The following GRM7 variants were observed in gnomAD, a reference collection of about 807,000 sequenced individuals.
GRM7 encodes glutamate metabotropic receptor 7.
GRM7 carries 35 observed loss-of-function variants against 84.5 expected under a neutral mutation model. The observed-to-expected ratio is 0.41, with a 90% CI of 0.32 to 0.55. GRM7 has a LOEUF of 0.55. Among genes scored for constraint, GRM7 ranks in the 20% least tolerant of loss-of-function variants. GRM7 has a pLI of 0.19. For synonymous variants in GRM7, 487 were observed against 455.1 expected (o/e 1.07, Z -0.89); for missense variants, 1,003 against 1,194.6 (o/e 0.84, Z 2.36).
intron 1 of GRM7, among the ~76,000 whole-genome samples, chr3:6,943,890 G>A (rs1023291375): frequency 6.6e-6 from 1 of 151,922 alleles, no homozygotes; most frequent in Non-Finnish European, 1.5e-5. Context: ...TACGGGTGTT[G>A]TACATCTTTT....
chr3:6,868,019 T>C (rs1694994910), intron 1 of GRM7, among the ~76,000 whole-genome samples: 3 of 152,178 alleles, frequency 2.0e-5, no homozygotes, highest in African/African-American at 7.2e-5. Flanking sequence ...CAAACCGACT[T>C]TCTAATCTTT....
chr3:7,037,972 G>A (rs1696442040), intron 1 of GRM7, among the ~76,000 whole-genome samples: 1 of 152,038 alleles, frequency 6.6e-6, no homozygotes, highest in South Asian at 2.1e-4. Flanking sequence ...TAGTCTAATT[G>A]CTTGCCATAT....
At chr3:7,534,467 A>G (rs1701165438) in intron 7 of GRM7, among the ~76,000 whole-genome samples, 1 of 152,180 alleles carries the variant, frequency 6.6e-6, no homozygotes, top group Non-Finnish European at 1.5e-5. Flanking sequence ...TCAGGATTTG[A>G]ACGCATGTCT....
At chr3:6,959,754 T>C (rs1172242106) in intron 1 of GRM7, among the ~76,000 whole-genome samples, 2 of 152,216 alleles carry the variant, frequency 1.3e-5, no homozygotes, top group African/African-American at 4.8e-5. Context: ...TATGACAATA[T>C]GTATTATGGA....
chr3:7,601,007 T>C (rs997672357), intron 8 of GRM7, among the ~76,000 whole-genome samples: 1 of 152,156 alleles, frequency 6.6e-6, no homozygotes, highest in Non-Finnish European at 1.5e-5. Context: ...TCCCTAATAC[T>C]TGCCGTGATT....
At chr3:7,498,672 C>G (rs1699784918) in intron 7 of GRM7, among the ~76,000 whole-genome samples, 1 of 152,174 alleles carries the variant, frequency 6.6e-6, no homozygotes, top group Admixed American at 6.5e-5. Context: ...GTGTTTTTAA[C>G]ATAAATTTCT....
intron 4 of GRM7, among the ~76,000 whole-genome samples, chr3:7,310,560 A>C (rs1266104539): frequency 1.3e-5 from 2 of 152,122 alleles, no homozygotes; most frequent in African/African-American, 2.4e-5. Context: ...GGGAAAAAAA[A>C]TGAGAAAGAA....
chr3:7,301,871 T>G (rs1407442227), intron 3 of GRM7, among the ~76,000 whole-genome samples: 1 of 152,154 alleles, frequency 6.6e-6, no homozygotes, highest in Non-Finnish European at 1.5e-5. Flanking sequence ...TGGGAAAATT[T>G]GAGGTTTCTT....
Position 7,357,022 on chromosome 3 carries a change from G to GATATA in GRM7, c.1033+50372_1033+50376dup, listed in dbSNP as rs201291548. Among the ~76,000 whole-genome samples the GATATA allele has an allele frequency of 6.4e-3, 909 of 141,992 alleles. 6 individuals are homozygous for GATATA. The highest frequency in any genetic ancestry group is 0.022 in the African/African-American group (857 of 38,224). 93.2% of individuals were successfully genotyped at this position (141,992 alleles called of 152,430 possible). On this transcript the variant is annotated intron_variant, in intron 4 of 9. Transcript: ENST00000357716. ...TTTATATATCATATAATATATATTT[G>GATATA]ATATAAATTGTATAATATATATGTT...
chr3:7,597,183 G>A (rs1474341489), intron 8 of GRM7, among the ~76,000 whole-genome samples: 1 of 152,106 alleles, frequency 6.6e-6, no homozygotes, highest in East Asian at 1.9e-4. Flanking sequence ...AGTGGAAGAC[G>A]AGGGGGACGT....
At chr3:7,648,271 GA>G (rs56866641) in intron 8 of GRM7, among the ~76,000 whole-genome samples, 23,813 of 142,210 alleles carry the variant, frequency 0.17, 2,984 homozygotes, top group African/African-American at 0.36. Context: ...GTTTTTAAAA[GA>G]AAAAAAAAAA....
chr3:7,732,085 G>T (rs975422348), intron 9 of GRM7, among the ~76,000 whole-genome samples: 43 of 151,820 alleles, frequency 2.8e-4, no homozygotes, highest in African/African-American at 1.0e-3. Context: ...TCGCTTTGTC[G>T]CCCAGGCTGG....
At chr3:6,952,215 A>T (rs1575059742) in intron 1 of GRM7, among the ~76,000 whole-genome samples, 1 of 152,180 alleles carries the variant, frequency 6.6e-6, no homozygotes, top group Admixed American at 6.5e-5. Context: ...GTCTAAGGTT[A>T]TTCCCTACAA....
At position 7,289,974 on chromosome 3, in the gene GRM7, T is replaced by A. The variant is rs560321312; in HGVS notation, c.737-8710T>A. Among the ~76,000 whole-genome samples the A allele has an allele frequency of 5.9e-5, 9 of 152,118 alleles. 3 individuals carry two copies. The South Asian group carries it at 1.9e-3, about 32-fold the overall frequency. On this transcript the variant is annotated intron_variant, in intron 2 of 9. Coordinates refer to ENST00000357716, the MANE Select transcript of GRM7 (RefSeq NM_000844.4). Reference sequence around the variant, plus strand: ...TATACATATGTACCAAACCTGCACGTTGTGCACATGTACCCTAGAACTTAA... The same window carrying A: ...TATACATATGTACCAAACCTGCACGATGTGCACATGTACCCTAGAACTTAA...
At chr3:7,302,501 T>C (rs1398908955) in intron 3 of GRM7, among the ~76,000 whole-genome samples, 1 of 152,140 alleles carries the variant, frequency 6.6e-6, no homozygotes, top group African/African-American at 2.4e-5. Context: ...TATCCCTACC[T>C]TTCTCTTCAA....
intron 8 of GRM7, among the ~76,000 whole-genome samples, chr3:7,615,874 G>GTATATGTATATATAGTATA (rs1697055708): frequency 6.6e-6 from 1 of 151,774 alleles, no homozygotes; most frequent in Admixed American, 6.6e-5. Flanking sequence ...GTGTATGAGT[G>GTATATGTATATATAGTATA]TATATGTATA....
At chr3:7,109,814 G>A (rs1297605425) in intron 1 of GRM7, among the ~76,000 whole-genome samples, 1 of 152,092 alleles carries the variant, frequency 6.6e-6, no homozygotes. Flanking sequence ...ACCATTGCAA[G>A]TAATTATTAC....
chr3:7,403,622 GATAT>G (rs59465377), intron 4 of GRM7, among the ~76,000 whole-genome samples: 16,829 of 126,882 alleles, frequency 0.13, 1,166 homozygotes, highest in South Asian at 0.26. Context: ...GAGTAATTCT[GATAT>G]ATATATATAT....
At chr3:7,429,401 C>T (rs1696740364) in intron 5 of GRM7, among the ~76,000 whole-genome samples, 1 of 152,166 alleles carries the variant, frequency 6.6e-6, no homozygotes, top group Non-Finnish European at 1.5e-5. Context: ...AAGCACTCTA[C>T]TAATTTATTC....
Sources: allele counts gnomAD v4.1 joint callset (sites outside exome capture counted in the v4.1 genomes callset), GRCh38; gene constraint gnomAD v4.1.1; transcripts MANE v1.5; gene names NCBI Gene and HGNC (gene_info 2026-07-23, HGNC 2026-07-21).